B3GALT1: variants seen among roughly 807,000 people sequenced by gnomAD.
B3GALT1 encodes the protein beta-1,3-galactosyltransferase 1, also known as UDP-Gal:betaGlcNAc beta 1,3-galactosyltransferase, polypeptide 1.
A neutral mutation model predicts 23.2 loss-of-function variants in B3GALT1; 10 were observed. The observed-to-expected ratio is 0.43, with a 90% CI of 0.27 to 0.73. The LOEUF (loss-of-function observed/expected upper bound fraction) is 0.73. Among genes scored for constraint, B3GALT1 ranks in the 30% least tolerant of loss-of-function variants. The probability of loss-of-function intolerance (pLI) is 0.21; values close to 1 mark genes in which losing one functional copy is unlikely to be tolerated. For missense variants in B3GALT1, 299 were observed against 405.4 expected (o/e 0.74, Z 2.25); for synonymous variants, 156 against 141.5 (o/e 1.10, Z -0.73).
intron 2 of B3GALT1, among the ~76,000 whole-genome samples, chr2:167,515,041 A>G (rs1406253292): frequency 6.6e-6 from 1 of 152,164 alleles, no homozygotes; most frequent in East Asian, 1.9e-4. Context: ...AATTGAGTAT[A>G]AATATTTTGA....
At chr2:167,541,050 A>G (rs1329375548) in intron 2 of B3GALT1, among the ~76,000 whole-genome samples, 1 of 152,104 alleles carries the variant, frequency 6.6e-6, no homozygotes, top group African/African-American at 2.4e-5. Flanking sequence ...TTTATAAATA[A>G]TGGCTCCTTC....
In B3GALT1 at chr2:167,363,915, T is replaced by C. The variant is rs181803727; in HGVS notation, c.-511+70581T>C. Among the ~76,000 whole-genome samples the C allele has an allele frequency of 1.0e-3, 153 of 151,962 alleles. 1 individual carries two copies. The highest frequency in any genetic ancestry group is 3.5e-3 in the African/African-American group (145 of 41,472). ...GGCTCACACCTATAATCCCAGCACT[T>C]TGGGAGGCTGAGGGAGGCGGATCAC... On this transcript the variant is annotated intron_variant, in intron 1 of 4. Coordinates refer to ENST00000392690, the MANE Select transcript of B3GALT1 (RefSeq NM_020981.4).
chr2:167,473,393 C>T (rs1699446126), intron 1 of B3GALT1, among the ~76,000 whole-genome samples: 1 of 151,942 alleles, frequency 6.6e-6, no homozygotes, highest in Admixed American at 6.6e-5. Context: ...CACTTTCTGG[C>T]AGAAAAAGTC....
chr2:167,822,662 C>G (rs1689133156), intron 4 of B3GALT1, among the ~76,000 whole-genome samples: 1 of 152,112 alleles, frequency 6.6e-6, no homozygotes, highest in Non-Finnish European at 1.5e-5. Context: ...GGCTTCAGAC[C>G]TCCTCTCTCT....
chr2:167,358,868 TCTTGGCTCACTGCAACCTCTGCCTC>T (rs1697458146), intron 1 of B3GALT1, among the ~76,000 whole-genome samples: 2 of 152,156 alleles, frequency 1.3e-5, no homozygotes, highest in South Asian at 4.1e-4. Flanking sequence ...AGTGGCGCAA[TCTTGGCTCACTGCAACCTCTGCCTC>T]CTGGGTTCAA....
chr2:167,414,402 G>T (rs1397521451), intron 1 of B3GALT1, among the ~76,000 whole-genome samples: 3 of 152,084 alleles, frequency 2.0e-5, no homozygotes, highest in Non-Finnish European at 4.4e-5. Context: ...TTTATAAGGT[G>T]CAAGAAACCA....
chr2:167,693,372 G>A (rs1224113687), intron 3 of B3GALT1, among the ~76,000 whole-genome samples: 1 of 152,044 alleles, frequency 6.6e-6, no homozygotes, highest in Non-Finnish European at 1.5e-5. Context: ...AAAAGGCAGA[G>A]ACCCTTGTGC....
In B3GALT1 at chr2:167,377,178, T is replaced by C. The variant is rs1697778802; in HGVS notation, c.-511+83844T>C. ...ATCTTGGTATTGATTTATATTTTCA[T>C]TCCACTGTGGACTGATAGTATGGTT... On this transcript the variant is annotated intron_variant, in intron 1 of 4. Transcript: ENST00000392690. Among the ~76,000 whole-genome samples the C allele has an allele frequency of 3.9e-5, 6 of 152,208 alleles. No homozygotes were observed. The South Asian group carries it at 1.2e-3, about 31-fold the overall frequency.
At chr2:167,757,262 T>G (rs1687832683) in intron 3 of B3GALT1, among the ~76,000 whole-genome samples, 1 of 152,072 alleles carries the variant, frequency 6.6e-6, no homozygotes, top group South Asian at 2.1e-4. Context: ...TGTAATAGCA[T>G]CCCAGCCCAC....
intron 3 of B3GALT1, among the ~76,000 whole-genome samples, chr2:167,663,126 C>T (rs1686099295): frequency 8.5e-6 from 1 of 117,372 alleles, no homozygotes; most frequent in Admixed American, 1.1e-4. Flanking sequence ...CACCCCACAA[C>T]AGTCCCAAGA....
chr2:167,609,414 A>G (rs1015123451), intron 2 of B3GALT1, among the ~76,000 whole-genome samples: 1 of 152,150 alleles, frequency 6.6e-6, no homozygotes, highest in Non-Finnish European at 1.5e-5. Flanking sequence ...GATTTAGGCA[A>G]TAAGGAAACA....
chr2:167,351,312 CAAAA>C (rs971131106), intron 1 of B3GALT1, among the ~76,000 whole-genome samples: 1 of 148,834 alleles, frequency 6.7e-6, no homozygotes, highest in African/African-American at 2.5e-5. Flanking sequence ...CACACAAAAA[CAAAA>C]AAATGTCATT....
chr2:167,511,705 CTGAA>C (rs1443421550), intron 2 of B3GALT1, among the ~76,000 whole-genome samples: 2 of 151,884 alleles, frequency 1.3e-5, no homozygotes, highest in Non-Finnish European at 2.9e-5. Context: ...GAAATTGTCA[CTGAA>C]TGGTAGGTTT....
intron 3 of B3GALT1, among the ~76,000 whole-genome samples, chr2:167,649,984 G>A (rs1411620350): frequency 6.6e-6 from 1 of 151,706 alleles, no homozygotes; most frequent in Non-Finnish European, 1.5e-5. Context: ...GTGCATCTTT[G>A]TCTTTTTCGT....
At chr2:167,504,318 A>G (rs764692397) in intron 2 of B3GALT1, among the ~76,000 whole-genome samples, 54 of 152,236 alleles carry the variant, frequency 3.5e-4, no homozygotes, top group Non-Finnish European at 7.1e-4. Context: ...CCTAGAGTCT[A>G]TAGCCTAGAA....
chr2:167,858,151 T>G (rs914145342), intron 4 of B3GALT1, among the ~76,000 whole-genome samples: 3 of 152,114 alleles, frequency 2.0e-5, no homozygotes, highest in African/African-American at 7.2e-5. Context: ...AAAAGCAAAA[T>G]TCTATGTCAC....
At chr2:167,770,920 T>C (rs1446230805) in intron 3 of B3GALT1, among the ~76,000 whole-genome samples, 1 of 152,214 alleles carries the variant, frequency 6.6e-6, no homozygotes, top group African/African-American at 2.4e-5. Flanking sequence ...TGCCTTGCCC[T>C]ATCTCCATTT....
At chr2:167,545,775 T>C (rs1683626805) in intron 2 of B3GALT1, among the ~76,000 whole-genome samples, 1 of 152,236 alleles carries the variant, frequency 6.6e-6, no homozygotes, top group African/African-American at 2.4e-5. Context: ...CAAAAAGTTC[T>C]ATACTTAAAA....
intron 2 of B3GALT1, among the ~76,000 whole-genome samples, chr2:167,502,668 C>A (rs562329738): frequency 1.3e-5 from 2 of 152,240 alleles, no homozygotes; most frequent in East Asian, 3.9e-4. Context: ...CTCACTATTA[C>A]AAGAACAGCA....
Sources: allele counts gnomAD v4.1 joint callset (sites outside exome capture counted in the v4.1 genomes callset), GRCh38; gene constraint gnomAD v4.1.1; transcripts MANE v1.5; gene names NCBI Gene and HGNC (gene_info 2026-07-23, HGNC 2026-07-21).